NEMF: variants seen among roughly 807,000 people sequenced by gnomAD.
The protein encoded by NEMF is ribosome quality control complex subunit NEMF.
In NEMF, 89 loss-of-function variants were observed where a neutral mutation model predicts 162.2. The ratio of observed to expected loss-of-function variants is 0.55; its 90% CI spans 0.46 to 0.65. The LOEUF is 0.65. Among genes scored for constraint, NEMF ranks in the 30% least tolerant of loss-of-function variants. NEMF has a pLI of 0.00. For synonymous variants in NEMF, 421 were observed against 404.5 expected, an observed-to-expected ratio of 1.04 and a Z score of -0.49; for missense variants, 1,133 against 1,261.9, an observed-to-expected ratio of 0.90 and a Z score of 1.55.
At position 49,799,676 on chromosome 14, in the gene NEMF, G is replaced by A; in HGVS notation, c.2375C>T (p.Ser792Phe). ...CTCTTTTGAAGCCAATTTCTGGATG[G>A]ACCTATGAAAATAAACACAAGGGAG... Reference protein sequence around the residue: ...IDLSHLQPQRSIQKLASKEES... With the variant: ...IDLSHLQPQRFIQKLASKEES... The change falls in exon 24 of 33, where the codon TCC becomes TTC. Residue 792 changes from serine to phenylalanine, a missense_variant and splice_region_variant. By Grantham distance (155) the Ser-to-Phe change is radical. This residue lies in a region of NEMF where 532 missense variants were observed against 578.6 expected (regional missense o/e 0.92). Transcript: ENST00000298310. 1.9e-6 allele frequency: 3 copies of A among 1,610,426 alleles called. No homozygotes were observed. The highest frequency in any genetic ancestry group is 2.5e-6 in the Non-Finnish European group (3 of 1,178,610).
At chr14:49,820,656 C>G (rs1344657877) in intron 16 of NEMF, among the ~76,000 whole-genome samples, 1 of 152,128 alleles carries the variant, frequency 6.6e-6, no homozygotes, top group Non-Finnish European at 1.5e-5. Flanking sequence ...CACGGTCTCC[C>G]TCTCATGCCG....
At chr14:49,800,325 G>GTAC (rs1890896296) in intron 23 of NEMF, 95 bp downstream of exon 23, 1 of 937,538 alleles carries the variant, frequency 1.1e-6, no homozygotes, top group East Asian at 2.6e-5. Flanking sequence ...GAGTGTAAAA[G>GTAC]TACTGATGTC....
rs1180860858 is a variant in NEMF at position 49,851,560 on chromosome 14, T to C, written c.231+3A>G. On this transcript the variant is annotated splice_donor_region_variant and intron_variant, in intron 3 of 32. Transcript: ENST00000298310. ...AATTTAGCTTCAAGCGTAACAAGTT[T>C]ACCTTCATGGCAAAACTAGACGGCA... The C allele has an allele frequency of 6.2e-7, 1 of 1,605,110 alleles. No homozygotes were observed. The highest frequency in any genetic ancestry group is 1.1e-5 in the South Asian group (1 of 90,780).
intron 26 of NEMF, among the ~76,000 whole-genome samples, chr14:49,790,521 T>C (rs1890390125): frequency 6.6e-6 from 1 of 152,070 alleles, no homozygotes. Flanking sequence ...CAATACCAAG[T>C]GTTACTACGG....
intron 5 of NEMF, 85 bp from the exon 6 acceptor site, chr14:49,838,291 C>G (rs1361410213): frequency 7.8e-6 from 8 of 1,030,366 alleles, no homozygotes; most frequent in African/African-American, 1.6e-5. Flanking sequence ...TCATCTGTAT[C>G]AGTTCACCTG....
At chr14:49,820,907 C>G (rs918676798) in intron 16 of NEMF, among the ~76,000 whole-genome samples, 4 of 152,042 alleles carry the variant, frequency 2.6e-5, no homozygotes, top group Non-Finnish European at 5.9e-5. Context: ...GACGGAGTCT[C>G]GTTAACTCAG....
Position 49,813,837 on chromosome 14 carries a change from C to G in NEMF, c.1744+151G>C, listed in dbSNP as rs142792708. 12 of 583,678 alleles carry G rather than the reference C, an allele frequency of 2.1e-5. No homozygotes were observed. The African/African-American group carries it at 2.3e-4, about 11-fold the overall frequency. The allele number at this position is 583,678 out of a possible 1,614,324, so 36.2% of individuals were successfully genotyped here. A position where few individuals can be genotyped will look rare whatever the true frequency, so the allele number is the denominator to read the frequency against. On this transcript the variant is annotated intron_variant, in intron 18 of 32. Transcript: ENST00000298310. ...CAGTCTGGTCTCAAACTCCTGGCCT[C>G]AAATAATCCTCACACTTCAGCTTCC...
chr14:49,823,411 CAA>C (rs894575148), intron 16 of NEMF, among the ~76,000 whole-genome samples: 2 of 134,734 alleles, frequency 1.5e-5, no homozygotes. Flanking sequence ...TTCCAAGAAC[CAA>C]AAAAAAAAAG....
chr14:49,791,429 G>A (rs1555344871), intron 26 of NEMF, among the ~76,000 whole-genome samples: 1 of 151,690 alleles, frequency 6.6e-6, no homozygotes, highest in Non-Finnish European at 1.5e-5. Flanking sequence ...TGGTTTCACA[G>A]ATGTGTGTGC....
chr14:49,829,312 A>G, intron 12 of NEMF, 37 bp downstream of exon 12: 2 of 1,613,660 alleles, frequency 1.2e-6, no homozygotes, highest in South Asian at 1.1e-5. Flanking sequence ...TAAAGTTAAC[A>G]TTTTTGAAAA....
chr14:49,783,805 T>G lies in NEMF; in HGVS notation c.*831A>C, dbSNP rs1304092332. On this transcript the variant is annotated 3_prime_UTR_variant, in exon 33 of 33. Coordinates refer to ENST00000298310, the MANE Select transcript of NEMF (RefSeq NM_004713.6). ...AGGTCTACAAATGAATAGAAATGAT[T>G]AAGCTGAGTCATGAGAATTATTACT... 4 of 151,652 alleles carry G rather than the reference T, an allele frequency of 2.6e-5. No homozygotes were observed. Among genetic ancestry groups the G allele is most frequent in the Admixed American group, 6.6e-5 (1 of 15,230 alleles). 9.4% of individuals were successfully genotyped at this position (151,652 alleles called of 1,614,324 possible). A position where few individuals can be genotyped will look rare whatever the true frequency, so the allele number is the denominator to read the frequency against.
intron 25 of NEMF, among the ~76,000 whole-genome samples, chr14:49,798,245 T>C (rs1890782047): frequency 6.6e-6 from 1 of 152,260 alleles, no homozygotes; most frequent in African/African-American, 2.4e-5. Flanking sequence ...AAGTGTTTAA[T>C]GAATGTGCCA....
At chr14:49,808,620 G>A (rs1891329920) in intron 18 of NEMF, among the ~76,000 whole-genome samples, 1 of 151,400 alleles carries the variant, frequency 6.6e-6, no homozygotes, top group Non-Finnish European at 1.5e-5. Flanking sequence ...TATACTTCTG[G>A]CTTTTAAGTT....
rs902190558 is a variant in NEMF, at chr14:49,845,938, A to G, written c.357+202T>C. On this transcript the variant is annotated intron_variant, in intron 4 of 32. Transcript: ENST00000298310. ...ATTCATAAGGCTATTCTAAATGGCTAAAGTCTGCCTAAACTCAGACCTACA... is the reference window on the plus strand; with the variant it reads ...ATTCATAAGGCTATTCTAAATGGCTGAAGTCTGCCTAAACTCAGACCTACA... 5.3e-6 allele frequency: 3 copies of G among 561,962 alleles called. No individual in the cohort carries two copies. The African/African-American group carries it at 5.6e-5, about 11-fold the overall frequency. The allele number at this position is 561,962 out of a possible 1,614,324, so 34.8% of individuals were successfully genotyped here.
At position 49,814,860 on chromosome 14, in the gene NEMF, A is replaced by G. The variant is rs750420276; in HGVS notation, c.1578-3T>C. 4.6e-6 allele frequency: 7 copies of G among 1,519,856 alleles called. No individual in the cohort carries two copies. The highest frequency in any genetic ancestry group is 2.1e-5 in the Admixed American group (1 of 47,620). The allele number at this position is 1,519,856 out of a possible 1,614,324, so 94.1% of individuals were successfully genotyped here. On this transcript the variant is annotated splice_region_variant and splice_polypyrimidine_tract_variant and intron_variant, in intron 16 of 32. Coordinates refer to ENST00000298310, the MANE Select transcript of NEMF (RefSeq NM_004713.6). ...TGAACCACAGAAATTTCTCAAACCT[A>G]TCAAAATGAAAGAAAAAAAGTTAAC...
Position 49,829,286 on chromosome 14 carries a change from TTAC to T in NEMF, c.1024-27_1024-25del, listed in dbSNP as rs757840648. On this transcript the variant is annotated intron_variant, in intron 12 of 32. Coordinates refer to ENST00000298310, the MANE Select transcript of NEMF (RefSeq NM_004713.6). ...TCCTTAAAAAACAAACCACACACAT[TTAC>T]TACATTGCCAGTTAAAGTTAACATT... is the stretch of plus-strand genomic sequence containing the variant. The T allele has an allele frequency of 6.2e-6, 10 of 1,613,148 alleles. No homozygotes were observed. The East Asian group carries it at 1.8e-4, about 29-fold the overall frequency.
rs1377467885 is a variant in NEMF at position 49,822,514 on chromosome 14, T to C, written c.1577+3353A>G. Among the ~76,000 whole-genome samples the C allele has an allele frequency of 2.0e-5, 3 of 149,490 alleles. No homozygotes were observed. The East Asian group carries it at 5.9e-4, about 29-fold the overall frequency. ...CCAACATGGGCAACAGAGCTAGGAC[T>C]CTGTCTCAAAGAAAAAAAAAGTAAT... On this transcript the variant is annotated intron_variant, in intron 16 of 32. Coordinates refer to ENST00000298310, the MANE Select transcript of NEMF (RefSeq NM_004713.6).
chr14:49,835,195 C>G (rs186766509), intron 6 of NEMF, among the ~76,000 whole-genome samples: 1 of 143,216 alleles, frequency 7.0e-6, no homozygotes, highest in African/African-American at 2.6e-5. Context: ...AGTGAAACTC[C>G]GTCCCCCGCC....
intron 27 of NEMF, 70 bp from the exon 28 acceptor site, chr14:49,789,413 A>G (rs1429145632): frequency 4.3e-6 from 7 of 1,610,836 alleles, no homozygotes; most frequent in Non-Finnish European, 5.9e-6. Context: ...ACAAGAATGT[A>G]TTGAATGCCT....
Sources: allele counts gnomAD v4.1 joint callset (sites outside exome capture counted in the v4.1 genomes callset), GRCh38; gene constraint gnomAD v4.1.1; regional missense constraint gnomAD v4.1.1; transcripts MANE v1.5; gene names NCBI Gene and HGNC (gene_info 2026-07-23, HGNC 2026-07-21).